Variants in DCAF12 observed in about 807,000 individuals in gnomAD.
DCAF12 encodes DDB1- and CUL4-associated factor 12.
DCAF12 carries 28 observed loss-of-function variants against 52.8 expected under a neutral mutation model. That is an observed-to-expected ratio of 0.53 (90% CI 0.39 to 0.73). The LOEUF is 0.73. Among genes scored for constraint, DCAF12 ranks in the 30% least tolerant of loss-of-function variants. The pLI is 0.00. For synonymous variants in DCAF12, 196 were observed against 215.5 expected (o/e 0.91, Z 0.79); for missense variants, 425 against 552.2 (o/e 0.77, Z 2.31).
chr9:34,089,697 C>G, intron 7 of DCAF12, 107 bp from the exon 8 acceptor site: 2 of 1,044,134 alleles, frequency 1.9e-6, no homozygotes, highest in Non-Finnish European at 2.7e-6. Context: ...ACCCTGCTCC[C>G]CTCCACCCGC....
intron 4 of DCAF12, among the ~76,000 whole-genome samples, chr9:34,101,485 T>C (rs1828829199): frequency 6.6e-6 from 1 of 151,980 alleles, no homozygotes; most frequent in South Asian, 2.1e-4. Flanking sequence ...CTCTGCTTAC[T>C]GGGTTCAAGT....
intron 2 of DCAF12, among the ~76,000 whole-genome samples, chr9:34,114,509 T>C (rs576942785): frequency 9.8e-5 from 15 of 152,300 alleles, no homozygotes; most frequent in African/African-American, 3.6e-4. Context: ...TGCTTCTTCA[T>C]GGGAAGAAAC....
At chr9:34,097,421 AT>A (rs1234635629) in intron 5 of DCAF12, among the ~76,000 whole-genome samples, 1 of 151,596 alleles carries the variant, frequency 6.6e-6, no homozygotes, top group African/African-American at 2.4e-5. Context: ...TGCCTGGCTA[AT>A]TTTTTTGTAT....
chr9:34,093,849 C>G (rs1828689311), intron 6 of DCAF12: 1 of 176,988 alleles, frequency 5.7e-6, no homozygotes. Flanking sequence ...GATAAAGAGG[C>G]TGATCTCTGG....
intron 4 of DCAF12, among the ~76,000 whole-genome samples, chr9:34,105,985 T>A (rs907281464): frequency 6.6e-6 from 1 of 152,086 alleles, no homozygotes; most frequent in East Asian, 1.9e-4. Context: ...CCTGACCTCA[T>A]AATCCACCCA....
intron 6 of DCAF12, among the ~76,000 whole-genome samples, chr9:34,094,903 T>C (rs1313767630): frequency 1.3e-5 from 2 of 152,282 alleles, no homozygotes; most frequent in East Asian, 3.9e-4. Context: ...ACAAAATTCA[T>C]TTATGTTTCA....
chr9:34,125,951 G>A (rs1266020502), intron 1 of DCAF12, among the ~76,000 whole-genome samples: 1 of 152,116 alleles, frequency 6.6e-6, no homozygotes, highest in Non-Finnish European at 1.5e-5. Flanking sequence ...ATACATATAG[G>A]GAGACTACTT....
At chr9:34,089,815 A>G (rs1251315866) in intron 7 of DCAF12, 3 of 406,534 alleles carry the variant, frequency 7.4e-6, no homozygotes, top group Admixed American at 8.3e-5. Context: ...AAACCATCCA[A>G]GAAGCCTTGG....
In DCAF12 at chr9:34,125,087, T is replaced by C. The variant is rs1282318893; in HGVS notation, c.269A>G (p.Asn90Ser). ...KEREFHLGTL[N>S]KVFASQWLNH... is the part of the protein sequence containing the mutation. Reference sequence around the variant, plus strand: ...CAACCACTGAGATGCAAACACTTTATTAAGGGTCCCAAGGTGAAACTCTCT... The same window carrying C: ...CAACCACTGAGATGCAAACACTTTACTAAGGGTCCCAAGGTGAAACTCTCT... The change falls in exon 2 of 9, where the codon AAT becomes AGT. Residue 90 changes from asparagine to serine, a missense_variant. By Grantham distance (46) the Asn-to-Ser change is conservative (BLOSUM62 1). Coordinates refer to ENST00000361264, the MANE Select transcript of DCAF12 (RefSeq NM_015397.4). The C allele has an allele frequency of 6.2e-7, 1 of 1,614,106 alleles. No individual in the cohort carries two copies. The highest frequency in any genetic ancestry group is 2.2e-5 in the East Asian group (1 of 44,890).
intron 4 of DCAF12, among the ~76,000 whole-genome samples, chr9:34,101,959 T>G (rs1402784481): frequency 6.8e-6 from 1 of 147,760 alleles, no homozygotes; most frequent in Admixed American, 6.8e-5. Flanking sequence ...GAAGTTGCAG[T>G]GAGCTGAAAT....
Position 34,125,252 on chromosome 9 carries a change from T to C in DCAF12, c.104A>G (p.Lys35Arg). 1.2e-6 allele frequency: 2 copies of C among 1,614,148 alleles called. No individual in the cohort carries two copies. The highest frequency in any genetic ancestry group is 1.7e-6 in the Non-Finnish European group (2 of 1,180,026). ...PQFGWDHSLH[K>R]RKRLPPVKRS... is the part of the protein sequence containing the mutation. ...CTTCACAGGAGGAAGTCTTTTCCTT[T>C]TGTGAAGCGAGTGATCCCAGCCAAA... The change falls in exon 2 of 9, where the codon AAA becomes AGA. Residue 35 changes from lysine (K) to arginine (R), a missense_variant. Physicochemically the swap from Lys to Arg is conservative, Grantham distance 26 (BLOSUM62 2). Around this residue, in one of 3 missense-constraint regions of DCAF12, gnomAD observed 89 missense variants for 84.9 expected, o/e 1.05. Transcript: ENST00000361264.
rs1286560659 is a variant in DCAF12, at chr9:34,087,777, C to T, written c.*573G>A. On this transcript the variant is annotated 3_prime_UTR_variant, in exon 9 of 9. Transcript: ENST00000361264. ...TTAAAAAACAAGATACAGACTAGTC[C>T]CAAAGCTGGACTCTGTGAATAAAGT... 1 of 152,066 alleles carries T rather than the reference C, an allele frequency of 6.6e-6. No individual in the cohort carries two copies. The highest frequency in any genetic ancestry group is 1.5e-5 in the Non-Finnish European group (1 of 68,020). The allele number at this position is 152,066 out of a possible 1,614,324, so 9.4% of individuals were successfully genotyped here.
At chr9:34,121,928 C>T (rs867932882) in intron 2 of DCAF12, among the ~76,000 whole-genome samples, 10 of 152,056 alleles carry the variant, frequency 6.6e-5, no homozygotes, top group African/African-American at 1.9e-4. Flanking sequence ...GGTGACATAG[C>T]GAGACTCTGT....
At chr9:34,091,877 T>A (rs749661302) in intron 7 of DCAF12, among the ~76,000 whole-genome samples, 8 of 152,170 alleles carry the variant, frequency 5.3e-5, no homozygotes, top group Non-Finnish European at 8.8e-5. Flanking sequence ...GGTCCCTAGC[T>A]GTTCCCCCAT....
intron 2 of DCAF12, among the ~76,000 whole-genome samples, chr9:34,111,166 A>G (rs979002054): frequency 6.6e-6 from 1 of 151,778 alleles, no homozygotes; most frequent in Non-Finnish European, 1.5e-5. Context: ...TTATATTTTT[A>G]CTAAAGATGG....
chr9:34,095,488 C>T (rs1426986863), intron 6 of DCAF12, among the ~76,000 whole-genome samples: 1 of 150,804 alleles, frequency 6.6e-6, no homozygotes, highest in African/African-American at 2.4e-5. Context: ...TCAAGTGGTC[C>T]TCCTGCCTCA....
In DCAF12 at chr9:34,126,637, G is replaced by A. The variant is rs750015423; in HGVS notation, c.-206C>T. ...AAGGACTTGAGCCGGGAAAGGGAAG[G>A]GGAAGCGAGAATGAGCGGCTTTCCG... On this transcript the variant is annotated 5_prime_UTR_variant, in exon 1 of 9. Transcript: ENST00000361264. The A allele has an allele frequency of 3.3e-6, 2 of 614,424 alleles. No homozygotes were observed. The highest frequency in any genetic ancestry group is 5.5e-6 in the Non-Finnish European group (2 of 363,656). 38.1% of individuals were successfully genotyped at this position (614,424 alleles called of 1,614,324 possible). A position where few individuals can be genotyped will look rare whatever the true frequency, so the allele number is the denominator to read the frequency against.
intron 8 of DCAF12, among the ~76,000 whole-genome samples, chr9:34,088,719 T>C (rs991317307): frequency 1.3e-5 from 2 of 152,166 alleles, no homozygotes; most frequent in South Asian, 2.1e-4. Flanking sequence ...AGCTGAAGAA[T>C]TGCTATACAA....
chr9:34,125,022 CCGTGTTG>C lies in DCAF12; in HGVS notation c.327_333del (p.Asn110TyrfsTer4). ...GAGGTCACATCCCCCCAGGCACTTACCGTGTTGCATTTTGTGCCACACACCACTTGCC... is the reference window on the plus strand; with the variant it reads ...GAGGTCACATCCCCCCAGGCACTTACCATTTTGTGCCACACACCACTTGCC... On this transcript the variant is annotated frameshift_variant and splice_region_variant, in exon 2 of 9. Coordinates refer to ENST00000361264, the MANE Select transcript of DCAF12 (RefSeq NM_015397.4). LOFTEE classifies it high-confidence loss of function. The C allele has an allele frequency of 6.2e-7, 1 of 1,612,850 alleles. No individual in the cohort carries two copies. Among genetic ancestry groups the C allele is most frequent in the Non-Finnish European group, 8.5e-7 (1 of 1,179,990 alleles).
Sources: gnomAD v4.1 joint callset for allele counts (sites outside exome capture counted in the v4.1 genomes callset) on GRCh38, gnomAD v4.1.1 for gene constraint, gnomAD v4.1.1 regional missense constraint, MANE v1.5 for transcripts, NCBI Gene and HGNC (gene_info 2026-07-23, HGNC 2026-07-21) for gene names.